SMIM10L3: variants seen among roughly 807,000 people sequenced by gnomAD.
The protein encoded by SMIM10L3 is small integral membrane protein 10 like 3.
the SMIM10L3 span, among the ~76,000 whole-genome samples, chr7:6,343,893 G>A: frequency 0.4 from 60,698 of 151,740 alleles, 12,725 homozygotes; most frequent in East Asian, 0.82. Flanking sequence ...AAGAGGATGG[G>A]TATGGCTTTT....
chr7:6,348,196 G>A, the SMIM10L3 span, among the ~76,000 whole-genome samples: 13 of 144,666 alleles, frequency 9.0e-5, no homozygotes, highest in African/African-American at 3.3e-4. Flanking sequence ...GTAAGCCACC[G>A]CGCCCGGCCG....
At chr7:6,337,338 T>C in the SMIM10L3 span, among the ~76,000 whole-genome samples, 1 of 152,100 alleles carries the variant, frequency 6.6e-6, no homozygotes, top group Non-Finnish European at 1.5e-5. Flanking sequence ...GCCAGGCTGG[T>C]CTCTAACTCC....
At chr7:6,334,260 G>C in the SMIM10L3 span, among the ~76,000 whole-genome samples, 1 of 151,238 alleles carries the variant, frequency 6.6e-6, no homozygotes, top group South Asian at 2.1e-4. Context: ...GACTGGCTGG[G>C]CGCAGTGGCT....
At chr7:6,339,553 A>C in the SMIM10L3 span, among the ~76,000 whole-genome samples, 3 of 150,552 alleles carry the variant, frequency 2.0e-5, no homozygotes, top group Admixed American at 1.3e-4. Context: ...GAGCAATCTC[A>C]GCTCACTGCA....
At chr7:6,345,199 C>T in the SMIM10L3 span, among the ~76,000 whole-genome samples, 2 of 151,978 alleles carry the variant, frequency 1.3e-5, no homozygotes, top group Non-Finnish European at 2.9e-5. Context: ...CTCACTGCAT[C>T]TTCGGCCTCC....
At chr7:6,332,522 A>C in the SMIM10L3 span, among the ~76,000 whole-genome samples, 4 of 152,100 alleles carry the variant, frequency 2.6e-5, no homozygotes, top group East Asian at 1.9e-4. Flanking sequence ...CACTTAAAAA[A>C]CACCACCACC....
the SMIM10L3 span, among the ~76,000 whole-genome samples, chr7:6,347,089 G>A: frequency 1.2e-4 from 18 of 152,314 alleles, no homozygotes; most frequent in East Asian, 3.5e-3. Flanking sequence ...TGCTTTGGGA[G>A]GGCAAGGCAG....
the SMIM10L3 span, among the ~76,000 whole-genome samples, chr7:6,332,931 C>T: frequency 1.1e-4 from 16 of 151,978 alleles, no homozygotes; most frequent in African/African-American, 1.7e-4. Context: ...GAGGCCAAGG[C>T]GGACAAATCA....
the SMIM10L3 span, among the ~76,000 whole-genome samples, chr7:6,339,311 A>G: frequency 1.3e-5 from 2 of 151,956 alleles, no homozygotes; most frequent in Non-Finnish European, 2.9e-5. Context: ...TCTACAAAAA[A>G]TTAAAAAATT....
At chr7:6,337,215 G>T in the SMIM10L3 span, among the ~76,000 whole-genome samples, 12 of 152,108 alleles carry the variant, frequency 7.9e-5, no homozygotes, top group African/African-American at 2.9e-4. Flanking sequence ...GAGACTACAG[G>T]TGTATGCCAC....
chr7:6,330,569 G>A, the SMIM10L3 span: 1 of 1,614,172 alleles, frequency 6.2e-7, no homozygotes, highest in Non-Finnish European at 8.5e-7. Flanking sequence ...TACACGTGCA[G>A]CGTTGCAGAC....
the SMIM10L3 span, chr7:6,348,918 G>A: frequency 2.9e-5 from 11 of 385,154 alleles, no homozygotes; most frequent in African/African-American, 1.5e-4. Flanking sequence ...GTCACGCTCG[G>A]AGAAGTGCCT....
the SMIM10L3 span, chr7:6,330,321 A>T: frequency 1.3e-5 from 20 of 1,513,256 alleles, no homozygotes; most frequent in East Asian, 4.3e-4. Context: ...TGCGAAAGAA[A>T]TCATTCTAAG....
chr7:6,332,451 ACAT>A, the SMIM10L3 span, among the ~76,000 whole-genome samples: 4 of 152,176 alleles, frequency 2.6e-5, no homozygotes, highest in South Asian at 2.1e-4. Flanking sequence ...ACTGGTTGTA[ACAT>A]CATATTAGTT....
At chr7:6,334,037 G>A in the SMIM10L3 span, among the ~76,000 whole-genome samples, 7 of 150,848 alleles carry the variant, frequency 4.6e-5, no homozygotes, top group Non-Finnish European at 8.9e-5. Flanking sequence ...TAGTAGAGAT[G>A]GGGTTTCACC....
At chr7:6,330,837 C>G in the SMIM10L3 span, 3 of 1,614,086 alleles carry the variant, frequency 1.9e-6, no homozygotes, top group Non-Finnish European at 2.5e-6. Flanking sequence ...GAGCAGGGAA[C>G]AAACCCACGG....
chr7:6,329,826 A>T, the SMIM10L3 span: 1 of 167,474 alleles, frequency 6.0e-6, no homozygotes, highest in African/African-American at 2.4e-5. Flanking sequence ...AACTTTCACC[A>T]CAGGGCCTCT....
the SMIM10L3 span, among the ~76,000 whole-genome samples, chr7:6,334,594 G>A: frequency 3.9e-5 from 6 of 151,970 alleles, no homozygotes; most frequent in Non-Finnish European, 7.4e-5. Flanking sequence ...AGCCTCCTGA[G>A]TAGCTGGGAC....
chr7:6,330,555 G>A, the SMIM10L3 span: 50 of 1,613,956 alleles, frequency 3.1e-5, no homozygotes, highest in African/African-American at 2.1e-4. Context: ...GGAGCACTTC[G>A]GGATACACGT....
Sources: allele counts gnomAD v4.1 joint callset (sites outside exome capture counted in the v4.1 genomes callset), GRCh38; gene constraint gnomAD v4.1.1; transcripts MANE v1.5; gene names NCBI Gene and HGNC (gene_info 2026-07-23, HGNC 2026-07-21).